TRIM60: variants seen among roughly 807,000 people sequenced by gnomAD.
The protein encoded by TRIM60 is tripartite motif-containing protein 60.
For missense variants in TRIM60, 524 were observed against 540.8 expected (o/e 0.97, Z 0.31); for synonymous variants, 189 against 195.2 (o/e 0.97, Z 0.27).
At chr4:165,037,618 C>G (rs1733654149) in intron 1 of TRIM60, among the ~76,000 whole-genome samples, 1 of 152,080 alleles carries the variant, frequency 6.6e-6, no homozygotes, top group Admixed American at 6.6e-5. Flanking sequence ...CCACCACCTC[C>G]TGGGCTCAAG....
intron 1 of TRIM60, among the ~76,000 whole-genome samples, chr4:165,036,017 C>T (rs1405053854): frequency 1.3e-5 from 2 of 152,148 alleles, no homozygotes; most frequent in African/African-American, 2.4e-5. Context: ...GCCATGCACC[C>T]GACCAATAGT....
intron 1 of TRIM60, among the ~76,000 whole-genome samples, chr4:165,034,097 T>C (rs1733565227): frequency 6.6e-6 from 1 of 152,056 alleles, no homozygotes; most frequent in South Asian, 2.1e-4. Flanking sequence ...GACGAACCAT[T>C]GAGTTCCAGG....
chr4:165,040,923 C>G lies in TRIM60; in HGVS notation c.851C>G (p.Ser284Cys), dbSNP rs1293707883. The G allele has an allele frequency of 1.9e-6, 3 of 1,613,308 alleles. No homozygotes were observed. In the East Asian group the frequency reaches 6.7e-5, roughly 36 times the overall value. The change falls in exon 3 of 3, where the codon TCT (serine) becomes TGT (cysteine). Residue 284 changes from serine (S) to cysteine (C), a missense_variant. Transcript: ENST00000512596. ...KYGFSLPPQY[S>C]GLDRIIKPFQ... The stretch of plus-strand genomic sequence containing the variant: ...GGTTTCAGTCTTCCTCCTCAATATT[C>G]TGGCTTGGACAGAATTATCAAGCCA...
chr4:165,041,465 T>C lies in TRIM60; in HGVS notation c.1393T>C (p.Ser465Pro), dbSNP rs201584034. 3.8e-6 allele frequency: 6 copies of C among 1,573,746 alleles called. No individual in the cohort carries two copies. Among genetic ancestry groups the C allele is most frequent in the Non-Finnish European group, 5.2e-6 (6 of 1,160,746 alleles). ...AGATTCCGAACCTCTTAAAATCTGCTCAGTATCAGATTCTGAAAGATAAGG... is the reference window on the plus strand; with the variant it reads ...AGATTCCGAACCTCTTAAAATCTGCCCAGTATCAGATTCTGAAAGATAAGG... ...GTDSEPLKICSVSDSER is the reference protein window; with the variant it reads ...GTDSEPLKICPVSDSER The change falls in exon 3 of 3, where the codon TCA becomes CCA. Residue 465 changes from serine to proline, a missense_variant. Ser to Pro is a moderately conservative substitution (Grantham distance 74, BLOSUM62 -1). Transcript: ENST00000512596.
At chr4:165,034,052 A>T (rs1262023985) in intron 1 of TRIM60, among the ~76,000 whole-genome samples, 10 of 152,212 alleles carry the variant, frequency 6.6e-5, no homozygotes, top group Non-Finnish European at 1.5e-4. Flanking sequence ...TGAGTCTGGA[A>T]GATGGGTTAG....
intron 1 of TRIM60, among the ~76,000 whole-genome samples, chr4:165,038,423 TCA>T (rs1191653675): frequency 1.3e-5 from 2 of 152,096 alleles, no homozygotes; most frequent in Non-Finnish European, 1.5e-5. Flanking sequence ...GCATAGTGGC[TCA>T]CACCTATAAT....
In TRIM60 at chr4:165,040,780, G is replaced by A. The variant is rs1733741805; in HGVS notation, c.708G>A (p.Glu236=). 2 of 1,614,022 alleles carry A rather than the reference G, an allele frequency of 1.2e-6. No individual in the cohort carries two copies. Among genetic ancestry groups the A allele is most frequent in the Non-Finnish European group, 1.7e-6 (2 of 1,180,024 alleles). ...YVSTLKHLLR[E]VEGKSVQSNL... Reference sequence around the variant, plus strand: ...CCACATTAAAACATCTACTGAGGGAGGTAGAGGGCAAGTCTGTGCAGTCAA... The same window carrying A: ...CCACATTAAAACATCTACTGAGGGAAGTAGAGGGCAAGTCTGTGCAGTCAA... Residue 236 remains glutamate, a synonymous_variant, in exon 3 of 3, where the codon GAG becomes GAA. Coordinates refer to ENST00000512596, the MANE Select transcript of TRIM60 (RefSeq NM_152620.3).
rs371675727 is a variant in TRIM60, at chr4:165,041,043, G to A, written c.971G>A (p.Arg324Gln). The A allele has an allele frequency of 2.2e-5, 36 of 1,613,836 alleles. No individual in the cohort carries two copies. Among genetic ancestry groups the A allele is most frequent in the Middle Eastern group, 1.6e-4 (1 of 6,084 alleles). ...GCTGTGCGATATGAAAGAAAAAAACGAAACATTTGTTATGACCCAAGGAGA... is the reference window on the plus strand; with the variant it reads ...GCTGTGCGATATGAAAGAAAAAAACAAAACATTTGTTATGACCCAAGGAGA... ...RKAVRYERKK[R>Q]NICYDPRRFY... The change falls in exon 3 of 3, where the codon CGA (arginine) becomes CAA (glutamine). Residue 324 changes from arginine (R) to glutamine (Q), a missense_variant. Physicochemically the swap from Arg to Gln is conservative, Grantham distance 43. Transcript: ENST00000512596.
At position 165,040,226 on chromosome 4, in the gene TRIM60, C is replaced by T; in HGVS notation, c.154C>T (p.Pro52Ser). The T allele has an allele frequency of 6.2e-7, 1 of 1,614,206 alleles. No individual in the cohort carries two copies. The change falls in exon 3 of 3, where the codon CCC becomes TCC. Residue 52 changes from proline (P) to serine (S), a missense_variant. Pro to Ser is a moderately conservative substitution (Grantham distance 74). Coordinates refer to ENST00000512596, the MANE Select transcript of TRIM60 (RefSeq NM_152620.3). ...CTGGAAGGATCTAGATGATACCTTT[C>T]CCTGTCCTGTCTGCCGTTTTTGCTT... is the stretch of plus-strand genomic sequence containing the variant. ...VSWKDLDDTF[P>S]CPVCRFCFPY... is the part of the protein sequence containing the mutation.
In TRIM60 at chr4:165,038,555, C is replaced by G. The variant is rs1275819464; in HGVS notation, c.-56-646C>G. On this transcript the variant is annotated intron_variant, in intron 1 of 2. Transcript: ENST00000512596. ...GGGCCTGGTGGCACAAGCCTGTGGT[C>G]GTGGTTACTCTGCAGGCTGAGGCTG... Among the ~76,000 whole-genome samples, 9 of 147,540 alleles carry G rather than the reference C, an allele frequency of 6.1e-5. No individual in the cohort carries two copies. In the East Asian group the frequency reaches 1.8e-3, roughly 30 times the overall value.
intron 1 of TRIM60, among the ~76,000 whole-genome samples, chr4:165,035,920 A>G (rs1733612147): frequency 1.3e-5 from 2 of 152,042 alleles, no homozygotes; most frequent in South Asian, 4.1e-4. Context: ...ACAGGGTTTC[A>G]TCATGTTGGC....
In TRIM60 at chr4:165,040,590, AAAAG is replaced by A; in HGVS notation, c.521_524del (p.Lys174ArgfsTer2). The A allele has an allele frequency of 1.9e-6, 3 of 1,614,186 alleles. No individual in the cohort carries two copies. Among genetic ancestry groups the A allele is most frequent in the Non-Finnish European group, 2.5e-6 (3 of 1,180,032 alleles). On this transcript the variant is annotated frameshift_variant, in exon 3 of 3. Transcript: ENST00000512596. LOFTEE classifies it low-confidence loss of function (END_TRUNC). ...CAAGGCAGCAAATCAGTGGAGCTGA[AAAAG>A]AAGGTAGAATATAAGAGGGAAGAAA...
At chr4:165,036,057 C>T (rs576874127) in intron 1 of TRIM60, among the ~76,000 whole-genome samples, 7 of 152,160 alleles carry the variant, frequency 4.6e-5, no homozygotes, top group Non-Finnish European at 1.0e-4. Context: ...ATGGCAGGAT[C>T]CATTTCCTCA....
intron 2 of TRIM60, 48 bp from the exon 3 acceptor site, chr4:165,040,021 C>G: frequency 5.3e-6 from 8 of 1,502,404 alleles, no homozygotes; most frequent in Non-Finnish European, 4.6e-6. Flanking sequence ...TCTACGGAGG[C>G]AGGACTGATC....
chr4:165,040,844 A>G lies in TRIM60; in HGVS notation c.772A>G (p.Lys258Glu), dbSNP rs776518188. Reference sequence around the variant, plus strand: ...GACACAAGCTAAGAGTATGCACCACAAGTATCAAAACCTAAAATGCCCTGA... The same window carrying G: ...GACACAAGCTAAGAGTATGCACCACGAGTATCAAAACCTAAAATGCCCTGA... Reference protein sequence around the residue: ...LLTQAKSMHHKYQNLKCPELF... With the variant: ...LLTQAKSMHHEYQNLKCPELF... Residue 258 changes from lysine to glutamate, a missense_variant, in exon 3 of 3, where the codon AAG becomes GAG. Lys to Glu is a moderately conservative substitution (Grantham distance 56). Coordinates refer to ENST00000512596, the MANE Select transcript of TRIM60 (RefSeq NM_152620.3). The G allele has an allele frequency of 1.2e-6, 2 of 1,613,886 alleles. No homozygotes were observed. Among genetic ancestry groups the G allele is most frequent in the Admixed American group, 3.3e-5 (2 of 59,940 alleles).
At position 165,040,594 on chromosome 4, in the gene TRIM60, G is replaced by A. The variant is rs770216735; in HGVS notation, c.522G>A (p.Lys174=). The A allele has an allele frequency of 6.2e-7, 1 of 1,614,150 alleles. No homozygotes were observed. Among genetic ancestry groups the A allele is most frequent in the Non-Finnish European group, 8.5e-7 (1 of 1,180,014 alleles). Residue 174 remains lysine, a synonymous_variant, in exon 3 of 3, where the codon AAG becomes AAA. Coordinates refer to ENST00000512596, the MANE Select transcript of TRIM60 (RefSeq NM_152620.3). ...GCAGCAAATCAGTGGAGCTGAAAAA[G>A]AAGGTAGAATATAAGAGGGAAGAAA... ...LQGSKSVELK[K]KVEYKREEIN... is the part of the protein sequence containing the mutation.
chr4:165,039,768 G>A (rs1301745432), intron 2 of TRIM60, among the ~76,000 whole-genome samples: 1 of 143,466 alleles, frequency 7.0e-6, no homozygotes, highest in Admixed American at 7.1e-5. Flanking sequence ...ACTGCAGTCC[G>A]CAGTCCGGCC....
intron 1 of TRIM60, among the ~76,000 whole-genome samples, chr4:165,038,581 C>T (rs1277489889): frequency 7.3e-6 from 1 of 136,506 alleles, no homozygotes; most frequent in Non-Finnish European, 1.5e-5. Context: ...GCTGAGGCTG[C>T]AAAGAACCAT....
chr4:165,032,345 T>C (rs1733521904), intron 1 of TRIM60, among the ~76,000 whole-genome samples: 1 of 152,206 alleles, frequency 6.6e-6, no homozygotes, highest in South Asian at 2.1e-4. Context: ...GCCTCCCGGA[T>C]TCAAGCGATT....
Sources: gnomAD v4.1 joint callset for allele counts (sites outside exome capture counted in the v4.1 genomes callset) on GRCh38, gnomAD v4.1.1 for gene constraint, MANE v1.5 for transcripts, NCBI Gene and HGNC (gene_info 2026-07-23, HGNC 2026-07-21) for gene names.